The following HPSE2 variants were observed in gnomAD, a reference collection of about 807,000 sequenced individuals.
HPSE2 encodes heparanase 2 (inactive), also known as inactive heparanase-2.
Under a neutral mutation model 60.5 loss-of-function variants are expected in HPSE2, and 38 were observed. That is an observed-to-expected ratio of 0.63 (90% CI 0.48 to 0.82). The LOEUF is 0.82. Ranked by LOEUF, HPSE2 falls within the 40% of genes least tolerant of loss-of-function variation. The pLI is 0.00. For missense variants in HPSE2, 713 were observed against 740.4 expected (o/e 0.96, Z 0.43); for synonymous variants, 295 against 293.2 (o/e 1.01, Z -0.06).
intron 9 of HPSE2, among the ~76,000 whole-genome samples, chr10:98,523,981 A>T (rs990938120): frequency 4.6e-5 from 7 of 152,164 alleles, no homozygotes; most frequent in African/African-American, 1.4e-4. Flanking sequence ...ATCATAAAAG[A>T]TTTCTTTTGG....
intron 3 of HPSE2, among the ~76,000 whole-genome samples, chr10:98,991,933 G>C (rs531649824): frequency 1.5e-4 from 23 of 152,218 alleles, no homozygotes; most frequent in African/African-American, 5.1e-4. Flanking sequence ...AACCCTCCCT[G>C]ACCATTCTAG....
chr10:99,315,682 T>G, the HPSE2 span, among the ~76,000 whole-genome samples: 1 of 152,208 alleles, frequency 6.6e-6, no homozygotes, highest in African/African-American at 2.4e-5. Flanking sequence ...TATCAACATT[T>G]TATAACAACT....
the HPSE2 span, among the ~76,000 whole-genome samples, chr10:99,267,090 G>A: frequency 1.2e-4 from 18 of 151,908 alleles, no homozygotes; most frequent in African/African-American, 4.1e-4. Context: ...ACAAAACAAG[G>A]TTCTTTAACA....
intron 3 of HPSE2, among the ~76,000 whole-genome samples, chr10:98,781,524 C>T (rs1319300678): frequency 7.2e-5 from 11 of 152,118 alleles, no homozygotes; most frequent in Admixed American, 4.6e-4. Context: ...ACCAGAAAGA[C>T]GTACACCTAA....
chr10:98,653,504 A>G (rs970132191), intron 6 of HPSE2, among the ~76,000 whole-genome samples: 2 of 150,598 alleles, frequency 1.3e-5, no homozygotes. Context: ...TTAGTATACT[A>G]TTATATTTCT....
At position 99,235,493 on chromosome 10, in the gene HPSE2, C is replaced by G; in HGVS notation, c.290+20G>C. ...TGTTACTAAAAAATTTTAAATGATCCATCGAAACCCCTGCCTTACCTTAGG... is the reference window on the plus strand; with the variant it reads ...TGTTACTAAAAAATTTTAAATGATCGATCGAAACCCCTGCCTTACCTTAGG... On this transcript the variant is annotated intron_variant, in intron 1 of 11. Transcript: ENST00000370552. The G allele has an allele frequency of 1.2e-6, 2 of 1,613,446 alleles. No homozygotes were observed. The highest frequency in any genetic ancestry group is 2.7e-5 in the African/African-American group (2 of 74,968).
chr10:99,057,230 G>T (rs1589588111), intron 3 of HPSE2, among the ~76,000 whole-genome samples: 2 of 152,116 alleles, frequency 1.3e-5, no homozygotes, highest in East Asian at 3.8e-4. Context: ...GTTACAATAT[G>T]GGAAAAACTT....
chr10:98,458,930 T>C lies in HPSE2; in HGVS notation c.*644A>G. The stretch of plus-strand genomic sequence containing the variant: ...TAATTTTACTTTTGAAGCACCCGCT[T>C]CCCAGAAGAACTGCCAGTGATGGAT... On this transcript the variant is annotated 3_prime_UTR_variant, in exon 12 of 12. Coordinates refer to ENST00000370552, the MANE Select transcript of HPSE2 (RefSeq NM_021828.5). 6.4e-6 allele frequency: 1 copy of C among 157,098 alleles called. No individual in the cohort carries two copies. The highest frequency in any genetic ancestry group is 6.0e-5 in the Admixed American group (1 of 16,580). 9.7% of individuals were successfully genotyped at this position (157,098 alleles called of 1,614,324 possible).
rs145550674 is a variant in HPSE2, at chr10:98,658,449, G to A, written c.1005-16509C>T. On this transcript the variant is annotated intron_variant, in intron 6 of 11. Coordinates refer to ENST00000370552, the MANE Select transcript of HPSE2 (RefSeq NM_021828.5). ...CATAAAGCATGTTGTTAGGCCCACT[G>A]GCCATACAAAAACCCATGATGGGCA... Among the ~76,000 whole-genome samples the A allele has an allele frequency of 5.9e-5, 9 of 152,176 alleles. 1 individual carries two copies. The East Asian group carries it at 1.7e-3, about 29-fold the overall frequency.
chr10:98,803,819 C>T (rs1337251093), intron 3 of HPSE2, among the ~76,000 whole-genome samples: 1 of 151,384 alleles, frequency 6.6e-6, no homozygotes, highest in Non-Finnish European at 1.5e-5. Flanking sequence ...TTTTTTGGTT[C>T]CATATGAACT....
At chr10:98,612,930 C>T (rs79798430) in intron 9 of HPSE2, among the ~76,000 whole-genome samples, 5,263 of 152,234 alleles carry the variant, frequency 0.035, 148 homozygotes, top group East Asian at 0.11. Context: ...CTCCCCCTTC[C>T]TCATCATGCC....
intron 3 of HPSE2, among the ~76,000 whole-genome samples, chr10:99,038,827 G>T (rs139282234): frequency 6.6e-6 from 1 of 152,028 alleles, no homozygotes. Flanking sequence ...AAAAGTTTTT[G>T]AATATCATTA....
chr10:98,551,196 AT>A (rs1564961328), intron 9 of HPSE2, among the ~76,000 whole-genome samples: 1 of 151,962 alleles, frequency 6.6e-6, no homozygotes, highest in Non-Finnish European at 1.5e-5. Context: ...TGTATGTGGG[AT>A]TGGGTTTGCT....
intron 3 of HPSE2, among the ~76,000 whole-genome samples, chr10:99,088,971 T>C (rs139276341): frequency 1.3e-5 from 2 of 152,370 alleles, no homozygotes; most frequent in Non-Finnish European, 2.9e-5. Flanking sequence ...GCCATTTGTA[T>C]ATCTTCTTTT....
intron 3 of HPSE2, among the ~76,000 whole-genome samples, chr10:98,859,517 G>A (rs1952402883): frequency 1.3e-5 from 2 of 152,124 alleles, no homozygotes; most frequent in African/African-American, 4.8e-5. Context: ...TATAAAAAGT[G>A]GAGAAGTAGA....
At chr10:99,244,965 A>G in the HPSE2 span, among the ~76,000 whole-genome samples, 1 of 152,236 alleles carries the variant, frequency 6.6e-6, no homozygotes. Flanking sequence ...AAACCTTATC[A>G]GCCCTGTCAC....
At chr10:98,918,421 A>G (rs1954183707) in intron 3 of HPSE2, among the ~76,000 whole-genome samples, 1 of 151,694 alleles carries the variant, frequency 6.6e-6, no homozygotes, top group Non-Finnish European at 1.5e-5. Context: ...AAAGACTTGG[A>G]ACCAACCCAA....
At chr10:98,533,680 C>G (rs1489367150) in intron 9 of HPSE2, among the ~76,000 whole-genome samples, 2 of 152,090 alleles carry the variant, frequency 1.3e-5, no homozygotes, top group African/African-American at 4.8e-5. Flanking sequence ...AAGCATGAAG[C>G]CTGGGATAGC....
chr10:98,567,885 A>G (rs1294724718), intron 9 of HPSE2, among the ~76,000 whole-genome samples: 1 of 152,204 alleles, frequency 6.6e-6, no homozygotes, highest in African/African-American at 2.4e-5. Context: ...TCAAAGAAAC[A>G]GGCCTTTGCG....
Sources: allele counts gnomAD v4.1 joint callset (sites outside exome capture counted in the v4.1 genomes callset), GRCh38; gene constraint gnomAD v4.1.1; transcripts MANE v1.5; gene names NCBI Gene and HGNC (gene_info 2026-07-23, HGNC 2026-07-21).